POLE: variants seen among roughly 807,000 people sequenced by gnomAD.
POLE encodes DNA polymerase epsilon, catalytic subunit.
In POLE, 188 loss-of-function variants were observed where a neutral mutation model predicts 279.2. The observed-to-expected ratio is 0.67, with a 90% CI of 0.60 to 0.76. POLE has a LOEUF of 0.76. Among genes scored for constraint, POLE ranks in the 30% least tolerant of loss-of-function variants. POLE has a pLI of 0.00. For missense variants in POLE, 2,703 were observed against 3,016.7 expected (o/e 0.90, Z 2.44); for synonymous variants, 1,214 against 1,172.5 (o/e 1.04, Z -0.72).
Position 132,668,621 on chromosome 12 carries a change from C to T in POLE, c.2026+14G>A, listed in dbSNP as rs751509566. 15 of 1,604,636 alleles carry T rather than the reference C, an allele frequency of 9.3e-6. No homozygotes were observed. Among genetic ancestry groups the T allele is most frequent in the African/African-American group, 5.3e-5 (4 of 74,886 alleles). ...GTTTCCCACCGAGTGCCCACCCAGG[C>T]GGCCGACACTCACTGAACTCGCCCC... On this transcript the variant is annotated intron_variant, in intron 18 of 48. Transcript: ENST00000320574. The surrounding 1 kb of genome is among the most constrained non-coding windows in gnomAD (Gnocchi z 4.0).
intron 20 of POLE, 37 bp from the exon 21 acceptor site, chr12:132,665,487 C>G: frequency 6.3e-7 from 1 of 1,576,436 alleles, no homozygotes; most frequent in Non-Finnish European, 8.6e-7. Flanking sequence ...CTCACAGATT[C>G]TTCCATTTCA....
chr12:132,637,911 C>T (rs910799397), intron 41 of POLE, 103 bp downstream of exon 41: 61 of 1,357,880 alleles, frequency 4.5e-5, no homozygotes, highest in Admixed American at 2.3e-4. Flanking sequence ...GCACTTCTAA[C>T]GACCTCCCAG....
rs757227169 is a variant in POLE at position 132,677,578 on chromosome 12, C to A, written c.720G>T (p.Val240=). ...IRLSIDLKIH[V]AHWYNVRYRG... Reference sequence around the variant, plus strand: ...AGCGACCCAACCCTGCCCCACTCACCACGTGGATCTTCAGGTCAATGGAGA... The same window carrying A: ...AGCGACCCAACCCTGCCCCACTCACAACGTGGATCTTCAGGTCAATGGAGA... Residue 240 remains valine, a splice_region_variant and synonymous_variant, in exon 7 of 49, where the codon GTG becomes GTT. Coordinates refer to ENST00000320574, the MANE Select transcript of POLE (RefSeq NM_006231.4). 1.9e-6 allele frequency: 3 copies of A among 1,614,164 alleles called. No individual in the cohort carries two copies. In the East Asian group the frequency reaches 6.7e-5, roughly 36 times the overall value.
chr12:132,676,301 C>T lies in POLE; in HGVS notation c.910-97G>A, dbSNP rs2043050005. 3.5e-6 allele frequency: 3 copies of T among 852,728 alleles called. No homozygotes were observed. The Admixed American group carries it at 6.7e-5, about 19-fold the overall frequency. The allele number at this position is 852,728 out of a possible 1,614,324, so 52.8% of individuals were successfully genotyped here. ...CACACACTCTGCCTAGAGATTCTCA[C>T]TACAAAGAAGTCCACAGCAATGTGA... is the stretch of plus-strand genomic sequence containing the variant. On this transcript the variant is annotated intron_variant, in intron 9 of 48. Transcript: ENST00000320574.
At chr12:132,636,888 T>A (rs1461841532) in intron 41 of POLE, among the ~76,000 whole-genome samples, 2 of 152,258 alleles carry the variant, frequency 1.3e-5, no homozygotes, top group East Asian at 3.8e-4. Flanking sequence ...GAGAACTTTA[T>A]GTTCTCCCTA....
intron 16 of POLE, among the ~76,000 whole-genome samples, chr12:132,670,141 C>T (rs770416126): frequency 4.6e-5 from 7 of 151,828 alleles, no homozygotes; most frequent in Non-Finnish European, 7.4e-5. Flanking sequence ...GGAGGCCAAG[C>T]GGGCAGATCA....
In POLE at chr12:132,645,800, C is replaced by A. The variant is rs73155065; in HGVS notation, c.4150-1823G>T. Among the ~76,000 whole-genome samples, 63 of 149,874 alleles carry A rather than the reference C, an allele frequency of 4.2e-4. 1 individual carries two copies. Among genetic ancestry groups the A allele is most frequent in the African/African-American group, 1.5e-3 (59 of 40,010 alleles). Reference sequence around the variant, plus strand: ...AAATTAGACCGACACACACACACACCCACACACACACACACAAAATCAAAG... The same window carrying A: ...AAATTAGACCGACACACACACACACACACACACACACACACAAAATCAAAG... On this transcript the variant is annotated intron_variant, in intron 32 of 48. Coordinates refer to ENST00000320574, the MANE Select transcript of POLE (RefSeq NM_006231.4).
chr12:132,648,509 GAAAA>G (rs1226516037), intron 32 of POLE: 1 of 153,960 alleles, frequency 6.5e-6, no homozygotes, highest in Non-Finnish European at 1.4e-5. Context: ...TTAAAAAAAA[GAAAA>G]AAAAAGAAAA....
chr12:132,674,684 C>A lies in POLE; in HGVS notation c.1226+714G>T, dbSNP rs563045756. On this transcript the variant is annotated intron_variant, in intron 12 of 48. Coordinates refer to ENST00000320574, the MANE Select transcript of POLE (RefSeq NM_006231.4). ...GACTGTCACACCGTCACACGCTAAA[C>A]CGGCCCCAGCCTCCTGGCCTCCCTC... is the stretch of plus-strand genomic sequence containing the variant. Among the ~76,000 whole-genome samples, 290 of 152,328 alleles carry A rather than the reference C, an allele frequency of 1.9e-3. 2 individuals are homozygous for A. The highest frequency in any genetic ancestry group is 6.8e-3 in the African/African-American group (284 of 41,570).
In POLE at chr12:132,640,159, C is replaced by A. The variant is rs5744957; in HGVS notation, c.5379-861G>T. On this transcript the variant is annotated intron_variant, in intron 39 of 48. Coordinates refer to ENST00000320574, the MANE Select transcript of POLE (RefSeq NM_006231.4). ...TGCCTACACCCCATTCCCTCACACG[C>A]CTAGCTGCCCTGGGCACCCTCCCTG... Among the ~76,000 whole-genome samples, 833 of 152,336 alleles carry A rather than the reference C, an allele frequency of 5.5e-3. 8 individuals are homozygous for A. The highest frequency in any genetic ancestry group is 0.031 in the Middle Eastern group (9 of 292).
In POLE at chr12:132,669,584, G is replaced by T. The variant is rs539330009; in HGVS notation, c.1795-645C>A. Among the ~76,000 whole-genome samples, 66 of 152,300 alleles carry T rather than the reference G, an allele frequency of 4.3e-4. 1 individual carries two copies. Among genetic ancestry groups the T allele is most frequent in the Non-Finnish European group, 2.9e-5 (2 of 68,028 alleles). ...GAATAACATCTATTCCATAGAACAG[G>T]AAATACCACAACAGTAACACCTATT... On this transcript the variant is annotated intron_variant, in intron 16 of 48. Transcript: ENST00000320574.
At position 132,634,079 on chromosome 12, in the gene POLE, T is replaced by C; in HGVS notation, c.6004+107A>G. On this transcript the variant is annotated intron_variant, in intron 43 of 48. Coordinates refer to ENST00000320574, the MANE Select transcript of POLE (RefSeq NM_006231.4). This position sits in a 1 kb window ranked among gnomAD's most constrained non-coding sequence, Gnocchi z 4.0. ...CAACTGCTGGGCAGGCTCCGCCCGA[T>C]CTGATTTTCCCTGTCTCCCTTCTTG... 1 of 1,051,112 alleles carries C rather than the reference T, an allele frequency of 9.5e-7. No homozygotes were observed. The highest frequency in any genetic ancestry group is 2.2e-5 in the Admixed American group (1 of 44,670). The allele number at this position is 1,051,112 out of a possible 1,614,324, so 65.1% of individuals were successfully genotyped here.
intron 6 of POLE, among the ~76,000 whole-genome samples, chr12:132,678,186 AAAG>A (rs2136023795): frequency 6.8e-6 from 1 of 147,652 alleles, no homozygotes; most frequent in African/African-American, 2.5e-5. Flanking sequence ...TCAAAAAAAT[AAAG>A]AATAGCTTGG....
rs766252708 is a variant in POLE, at chr12:132,642,581, C to T, written c.4877G>A (p.Arg1626His). 9 of 1,613,496 alleles carry T rather than the reference C, an allele frequency of 5.6e-6. 1 individual carries two copies. Among genetic ancestry groups the T allele is most frequent in the African/African-American group, 1.3e-5 (1 of 75,040 alleles). The change falls in exon 37 of 49, where the codon CGC becomes CAC. Residue 1626 changes from arginine (R) to histidine (H), a missense_variant. Arg to His is a conservative substitution (Grantham distance 29). Around this residue, in one of 5 missense-constraint regions of POLE, gnomAD observed 1,551 missense variants for 1,686.1 expected, o/e 0.92. Coordinates refer to ENST00000320574, the MANE Select transcript of POLE (RefSeq NM_006231.4). ...KINYGVLDWQ[R>H]HGARRMIRHY... Reference sequence around the variant, plus strand: ...ACGGATCATGCGCCGGGCTCCATGGCGCTGCCAGTCCAGGACCCCATAGTT... The same window carrying T: ...ACGGATCATGCGCCGGGCTCCATGGTGCTGCCAGTCCAGGACCCCATAGTT...
intron 16 of POLE, among the ~76,000 whole-genome samples, chr12:132,669,857 C>T (rs1007102932): frequency 6.6e-6 from 1 of 152,192 alleles, no homozygotes; most frequent in Non-Finnish European, 1.5e-5. Context: ...GACACAAAGG[C>T]GATCCTGGGC....
At position 132,626,202 on chromosome 12, in the gene POLE, C is replaced by A. The variant is rs201165149; in HGVS notation, c.6446G>T (p.Arg2149Leu). 4 of 1,613,526 alleles carry A rather than the reference C, an allele frequency of 2.5e-6. No homozygotes were observed. In the African/African-American group the frequency reaches 4.0e-5, roughly 16 times the overall value. ...GATGACCTCAGGAAGCACGTAGGAG[C>A]GGCAGGGGTCTCGGAACTGGGCCTC... is the stretch of plus-strand genomic sequence containing the variant. ...SEEAQFRDPC[R>L]SYVLPEVICR... Residue 2149 changes from arginine to leucine, a missense_variant, in exon 46 of 49, where the codon CGC (arginine) becomes CTC (leucine). Physicochemically the swap from Arg to Leu is moderately radical, Grantham distance 102. Around this residue, in one of 5 missense-constraint regions of POLE, gnomAD observed 1,551 missense variants for 1,686.1 expected, o/e 0.92. Coordinates refer to ENST00000320574, the MANE Select transcript of POLE (RefSeq NM_006231.4).
At chr12:132,656,444 C>T (rs899689455) in intron 29 of POLE, among the ~76,000 whole-genome samples, 6 of 151,974 alleles carry the variant, frequency 3.9e-5, no homozygotes, top group East Asian at 1.9e-4. Flanking sequence ...CTGCAAGCTC[C>T]GCCTCCCGGG....
chr12:132,662,444 T>G (rs2042701038), intron 23 of POLE, among the ~76,000 whole-genome samples: 1 of 152,080 alleles, frequency 6.6e-6, no homozygotes, highest in South Asian at 2.1e-4. Flanking sequence ...GAGAAAGAAG[T>G]CACTAATAAG....
At chr12:132,625,164 G>A (rs759432260) in intron 47 of POLE, 170 bp from the exon 48 acceptor site, 13 of 679,134 alleles carry the variant, frequency 1.9e-5, no homozygotes, top group Admixed American at 4.1e-5. Flanking sequence ...CTCATCCCAC[G>A]GTGCCAGCGC....
Sources: gnomAD v4.1 joint callset for allele counts (sites outside exome capture counted in the v4.1 genomes callset) on GRCh38, gnomAD v4.1.1 for gene constraint, gnomAD v4.1.1 regional missense constraint, Gnocchi (gnomAD v3.1) non-coding constraint, MANE v1.5 for transcripts, NCBI Gene and HGNC (gene_info 2026-07-23, HGNC 2026-07-21) for gene names.